Variants in TBKBP1 observed in about 807,000 individuals in gnomAD.
The protein encoded by TBKBP1 is TBK1 binding protein 1.
In TBKBP1, 47 loss-of-function variants were observed where a neutral mutation model predicts 69.9. That is an observed-to-expected ratio of 0.67 (90% CI 0.53 to 0.86). The LOEUF (loss-of-function observed/expected upper bound fraction) is 0.86. Among genes scored for constraint, TBKBP1 ranks in the 40% least tolerant of loss-of-function variants. The pLI, the probability that TBKBP1 is intolerant of heterozygous loss-of-function variation, is 0.00. For missense variants in TBKBP1, 831 were observed against 858.6 expected, an observed-to-expected ratio of 0.97 and a Z score of 0.40; for synonymous variants, 418 against 390.3, an observed-to-expected ratio of 1.07 and a Z score of -0.84.
In TBKBP1 at chr17:47,710,202, G is replaced by A. The variant is rs186121534; in HGVS notation, c.1720-296G>A. Among the ~76,000 whole-genome samples, 16 of 152,294 alleles carry A rather than the reference G, an allele frequency of 1.1e-4. No individual in the cohort carries two copies. The East Asian group carries it at 3.1e-3, about 29-fold the overall frequency. On this transcript the variant is annotated intron_variant, in intron 9 of 9. Transcript: ENST00000578982. The stretch of plus-strand genomic sequence containing the variant: ...ATCGTACATTGCTTTGAGTTATCCG[G>A]GAGCTGTCTTAGTCACTCTGGGGGC...
chr17:47,710,326 G>T (rs950675421), intron 9 of TBKBP1, among the ~76,000 whole-genome samples, 172 bp from the exon 10 acceptor site: 2 of 152,126 alleles, frequency 1.3e-5, no homozygotes, highest in Non-Finnish European at 2.9e-5. Flanking sequence ...CCCTGGGCAG[G>T]GGGGTGGACA....
intron 2 of TBKBP1, 52 bp from the exon 3 acceptor site, chr17:47,696,659 C>G: frequency 3.7e-6 from 6 of 1,613,108 alleles, no homozygotes; most frequent in Non-Finnish European, 5.1e-6. Context: ...AGGCTGAGGC[C>G]TGGGCTGGGC....
intron 2 of TBKBP1, 124 bp downstream of exon 2, chr17:47,696,461 C>A: frequency 8.2e-7 from 1 of 1,219,120 alleles, no homozygotes; most frequent in Non-Finnish European, 1.1e-6. Flanking sequence ...ACTTGAGGGT[C>A]TCCCATGAGA....
Position 47,699,334 on chromosome 17 carries a change from T to C in TBKBP1, c.649T>C (p.Ser217Pro), listed in dbSNP as rs1047706820. Residue 217 changes from serine to proline, a missense_variant, in exon 6 of 10, where the codon TCC becomes CCC. Transcript: ENST00000578982. ...SGLSHAGWPG[S>P]TPSVSDLERR... is the part of the protein sequence containing the mutation. The stretch of plus-strand genomic sequence containing the variant: ...TCCACCGACAGCAGGCTGGCCGGGC[T>C]CCACACCCAGTGTGAGTGACCTGGA... 3.7e-5 allele frequency: 56 copies of C among 1,526,498 alleles called. No individual in the cohort carries two copies. The highest frequency in any genetic ancestry group is 4.7e-5 in the Non-Finnish European group (54 of 1,142,262). The allele number at this position is 1,526,498 out of a possible 1,614,324, so 94.6% of individuals were successfully genotyped here.
At position 47,709,009 on chromosome 17, in the gene TBKBP1, C is replaced by T; in HGVS notation, c.1276C>T (p.Pro426Ser). The stretch of plus-strand genomic sequence containing the variant: ...GCCCCCCAGCTGCCCGGCCCCGCAG[C>T]CCCGGCCACCGCCGCCGCCCCCGCC... ...PVPPSCPAPQ[P>S]RPPPPPPPGE... Residue 426 changes from proline to serine, a missense_variant, in exon 9 of 10, where the codon CCC (proline) becomes TCC (serine). Physicochemically the swap from Pro to Ser is moderately conservative, Grantham distance 74. Coordinates refer to ENST00000578982, the MANE Select transcript of TBKBP1 (RefSeq NM_001394755.1). 2.6e-6 allele frequency: 3 copies of T among 1,171,726 alleles called. No homozygotes were observed. The highest frequency in any genetic ancestry group is 2.7e-5 in the South Asian group (1 of 37,128). The allele number at this position is 1,171,726 out of a possible 1,614,324, so 72.6% of individuals were successfully genotyped here.
chr17:47,706,329 C>A (rs1442436528), intron 7 of TBKBP1, among the ~76,000 whole-genome samples: 1 of 152,160 alleles, frequency 6.6e-6, no homozygotes, highest in Non-Finnish European at 1.5e-5. Context: ...CAGATGTCCT[C>A]AGTCTGAAGG....
At position 47,694,892 on chromosome 17, in the gene TBKBP1, G is replaced by A. The variant is rs1052310330; in HGVS notation, c.-35+698G>A. On this transcript the variant is annotated intron_variant, in intron 1 of 9. Transcript: ENST00000578982. ...AGATGGGCCTGTGGGTGGCGGAGGG[G>A]GGGGGGTGGATTGAATTGGAGCCTG... Among the ~76,000 whole-genome samples, 13 of 151,130 alleles carry A rather than the reference G, an allele frequency of 8.6e-5. No homozygotes were observed. In the East Asian group the frequency reaches 1.8e-3, roughly 21 times the overall value.
rs764075273 is a variant in TBKBP1 at position 47,699,630 on chromosome 17, C to T, written c.811-6C>T. On this transcript the variant is annotated splice_polypyrimidine_tract_variant and splice_region_variant and intron_variant, in intron 6 of 9. Coordinates refer to ENST00000578982, the MANE Select transcript of TBKBP1 (RefSeq NM_001394755.1). The stretch of plus-strand genomic sequence containing the variant: ...TGGGCTCTGACCTCTTCATCTTCTT[C>T]CTTAGGATCTGGCCTCCAACCAGTC... The T allele has an allele frequency of 6.2e-7, 1 of 1,613,946 alleles. No individual in the cohort carries two copies. The highest frequency in any genetic ancestry group is 8.5e-7 in the Non-Finnish European group (1 of 1,179,874).
Position 47,709,395 on chromosome 17 carries a change from G to A in TBKBP1, c.1662G>A (p.Ser554=), listed in dbSNP as rs1217776608. The part of the protein sequence containing the change: ...SFCAGFPIPE[S]PAATAYAHAE... Reference sequence around the variant, plus strand: ...GCGCGGGCTTCCCCATCCCCGAGTCGCCCGCCGCCACCGCCTACGCCCACG... The same window carrying A: ...GCGCGGGCTTCCCCATCCCCGAGTCACCCGCCGCCACCGCCTACGCCCACG... Residue 554 remains serine, a synonymous_variant, in exon 9 of 10, where the codon TCG becomes TCA. Transcript: ENST00000578982. 1 of 1,534,408 alleles carries A rather than the reference G, an allele frequency of 6.5e-7. No homozygotes were observed. Among genetic ancestry groups the A allele is most frequent in the Non-Finnish European group, 8.7e-7 (1 of 1,148,172 alleles).
At position 47,709,299 on chromosome 17, in the gene TBKBP1, G is replaced by T; in HGVS notation, c.1566G>T (p.Glu522Asp). 1 of 1,529,278 alleles carries T rather than the reference G, an allele frequency of 6.5e-7. No individual in the cohort carries two copies. The highest frequency in any genetic ancestry group is 8.7e-7 in the Non-Finnish European group (1 of 1,145,814). 94.7% of individuals were successfully genotyped at this position (1,529,278 alleles called of 1,614,324 possible). Reference protein sequence around the residue: ...IRLRFEKQPSEEDEWAVPTSP... With the variant: ...IRLRFEKQPSDEDEWAVPTSP... ...TGCGCTTCGAGAAGCAGCCGTCGGA[G>T]GAGGACGAGTGGGCTGTGCCCACCA... The change falls in exon 9 of 10, where the codon GAG becomes GAT. Residue 522 changes from glutamate (E) to aspartate (D), a missense_variant. Glu to Asp is a conservative substitution (Grantham distance 45, BLOSUM62 2). Transcript: ENST00000578982.
intron 1 of TBKBP1, 184 bp from the exon 2 acceptor site, chr17:47,695,895 A>C (rs2031210199): frequency 2.1e-6 from 1 of 479,118 alleles, no homozygotes; most frequent in Admixed American, 3.5e-5. Context: ...CTTTTCCCCA[A>C]GGCGGCAGAG....
chr17:47,710,397 C>T, intron 9 of TBKBP1, 101 bp from the exon 10 acceptor site: 4 of 1,501,738 alleles, frequency 2.7e-6, no homozygotes, highest in Non-Finnish European at 3.6e-6. Flanking sequence ...TCCTGCATGC[C>T]ACAGCCCTCC....
Position 47,708,869 on chromosome 17 carries a change from C to A in TBKBP1, c.1136C>A (p.Ser379Ter). 1 of 1,423,508 alleles carries A rather than the reference C, an allele frequency of 7.0e-7. No individual in the cohort carries two copies. 88.2% of individuals were successfully genotyped at this position (1,423,508 alleles called of 1,614,324 possible). ...QRRSPVPPCP[S>*]PQQRRSPASP... ...CGCTCTCCCGTGCCCCCGTGCCCCT[C>A]GCCGCAGCAGCGCCGCTCTCCGGCC... Residue 379 changes from serine to a stop codon, truncating the protein, a stop_gained, in exon 9 of 10, where the codon TCG becomes TAG. Transcript: ENST00000578982. LOFTEE classifies it high-confidence loss of function. The surrounding 1 kb of genome is among the most constrained non-coding windows in gnomAD (Gnocchi z 4.4).
At chr17:47,707,168 G>A (rs1164776870) in intron 7 of TBKBP1, among the ~76,000 whole-genome samples, 1 of 152,216 alleles carries the variant, frequency 6.6e-6, no homozygotes, top group East Asian at 1.9e-4. Flanking sequence ...GAGATTCAAG[G>A]CTCTGTCCAC....
Position 47,699,398 on chromosome 17 carries a change from G to A in TBKBP1, c.713G>A (p.Gly238Glu). ...GAAGAGGCTTTGGAGGCCGCGCAGG[G>A]AGAGGCCCGGGGGGCTCAGCTCCGG... ...RLEEALEAAQ[G>E]EARGAQLREE... Residue 238 changes from glycine (G) to glutamate (E), a missense_variant, in exon 6 of 10, where the codon GGA becomes GAA. Physicochemically the swap from Gly to Glu is moderately conservative, Grantham distance 98 (BLOSUM62 -2). Coordinates refer to ENST00000578982, the MANE Select transcript of TBKBP1 (RefSeq NM_001394755.1). 5.7e-6 allele frequency: 9 copies of A among 1,567,180 alleles called. No homozygotes were observed. Among genetic ancestry groups the A allele is most frequent in the Non-Finnish European group, 7.8e-6 (9 of 1,161,024 alleles).
At chr17:47,705,550 T>C (rs2143328357) in intron 7 of TBKBP1, among the ~76,000 whole-genome samples, 1 of 152,354 alleles carries the variant, frequency 6.6e-6, no homozygotes, top group South Asian at 2.1e-4. Context: ...GCCACTTACC[T>C]GACCCATTCT....
At chr17:47,695,941 G>A (rs1054124605) in intron 1 of TBKBP1, 138 bp from the exon 2 acceptor site, 1 of 591,290 alleles carries the variant, frequency 1.7e-6, no homozygotes, top group Middle Eastern at 4.5e-4. Context: ...GGGGCCATGG[G>A]AGTCCCTGCT....
chr17:47,710,983 A>C lies in TBKBP1; in HGVS notation c.*357A>C, dbSNP rs2031904499. ...AGTGCTTGGGCCTGGGGTGGGGGGA[A>C]GGTGTTAGAGGACTCCAGGAGCTCC... On this transcript the variant is annotated 3_prime_UTR_variant, in exon 10 of 10. Transcript: ENST00000578982. 2 of 179,536 alleles carry C rather than the reference A, an allele frequency of 1.1e-5. No homozygotes were observed. The highest frequency in any genetic ancestry group is 2.4e-5 in the African/African-American group (1 of 42,394). 11.1% of individuals were successfully genotyped at this position (179,536 alleles called of 1,614,324 possible). A position where few individuals can be genotyped will look rare whatever the true frequency, so the allele number is the denominator to read the frequency against.
At chr17:47,703,173 C>T (rs1296604766) in intron 7 of TBKBP1, among the ~76,000 whole-genome samples, 1 of 152,024 alleles carries the variant, frequency 6.6e-6, no homozygotes, top group Non-Finnish European at 1.5e-5. Context: ...GGGGGCTCAG[C>T]GCTGCAGCCC....
Sources: allele counts gnomAD v4.1 joint callset (sites outside exome capture counted in the v4.1 genomes callset), GRCh38; gene constraint gnomAD v4.1.1; non-coding constraint Gnocchi (gnomAD v3.1); transcripts MANE v1.5; gene names NCBI Gene and HGNC (gene_info 2026-07-23, HGNC 2026-07-21).